The following GLIS3 variants were observed in gnomAD, a reference collection of about 807,000 sequenced individuals.
GLIS3 encodes the protein GLIS family zinc finger 3, also known as zinc finger protein GLIS3.
A neutral mutation model predicts 78.6 loss-of-function variants in GLIS3; 53 were observed. The ratio of observed to expected loss-of-function variants is 0.67; its 90% CI spans 0.54 to 0.85. The LOEUF (loss-of-function observed/expected upper bound fraction) is 0.85. Ranked by LOEUF, GLIS3 falls within the 40% of genes least tolerant of loss-of-function variation. The pLI, the probability that GLIS3 is intolerant of heterozygous loss-of-function variation, is 0.00. For synonymous variants in GLIS3, 684 were observed against 509.9 expected (o/e 1.34, Z -4.60); for missense variants, 1,703 against 1,231.1 (o/e 1.38, Z -5.74).
At chr9:3,890,778 C>G (rs1341743701) in intron 7 of GLIS3, among the ~76,000 whole-genome samples, 3 of 151,924 alleles carry the variant, frequency 2.0e-5, no homozygotes, top group African/African-American at 7.3e-5. Context: ...CAACAACAAA[C>G]CCACCAACAA....
rs527698212 is a variant in GLIS3, at chr9:3,826,839, C to T, written c.*1433G>A. The T allele has an allele frequency of 6.6e-6, 1 of 152,302 alleles. No individual in the cohort carries two copies. Among genetic ancestry groups the T allele is most frequent in the East Asian group, 1.9e-4 (1 of 5,184 alleles). 9.4% of individuals were successfully genotyped at this position (152,302 alleles called of 1,614,324 possible). Reference sequence around the variant, plus strand: ...CATTTTTAAAAAGTGAGAAAAAATACTTGAAATATGATAGTACCAGAATGT... The same window carrying T: ...CATTTTTAAAAAGTGAGAAAAAATATTTGAAATATGATAGTACCAGAATGT... On this transcript the variant is annotated 3_prime_UTR_variant, in exon 11 of 11. Coordinates refer to ENST00000381971, the MANE Select transcript of GLIS3 (RefSeq NM_001042413.2).
chr9:4,438,790 T>C, the GLIS3 span, among the ~76,000 whole-genome samples: 1 of 152,164 alleles, frequency 6.6e-6, no homozygotes, highest in Admixed American at 6.5e-5. Context: ...GTAGGACGTG[T>C]CTTGCTTCCC....
At chr9:3,959,835 A>G (rs916446540) in intron 4 of GLIS3, among the ~76,000 whole-genome samples, 3 of 152,196 alleles carry the variant, frequency 2.0e-5, no homozygotes, top group Non-Finnish European at 4.4e-5. Flanking sequence ...TCCTAATCCA[A>G]TATGTGTGGT....
intron 4 of GLIS3, among the ~76,000 whole-genome samples, chr9:3,980,918 C>T (rs951766193): frequency 8.5e-5 from 13 of 152,134 alleles, no homozygotes; most frequent in Admixed American, 2.0e-4. Flanking sequence ...TTTCAATGAG[C>T]GTTCTGTATT....
At position 4,122,789 on chromosome 9, in the gene GLIS3, A is replaced by G. The variant is rs192085952; in HGVS notation, c.596+2945T>C. 1.6e-4 allele frequency among the ~76,000 whole-genome samples: 25 copies of G among 152,352 alleles called. No homozygotes were observed. In the East Asian group the frequency reaches 3.3e-3, roughly 20 times the overall value. ...TACTCAATGTTTGTTAGACTGCTCT[A>G]TGAAACTGCTGTATGATGTTACTGT... is the stretch of plus-strand genomic sequence containing the variant. On this transcript the variant is annotated intron_variant, in intron 3 of 10. Coordinates refer to ENST00000381971, the MANE Select transcript of GLIS3 (RefSeq NM_001042413.2).
intron 7 of GLIS3, among the ~76,000 whole-genome samples, chr9:3,884,835 C>G (rs1821964959): frequency 2.6e-5 from 4 of 152,040 alleles, no homozygotes; most frequent in Admixed American, 2.6e-4. Flanking sequence ...ACCCAGAACA[C>G]CACCCTATAT....
chr9:4,111,920 C>A (rs187834708), intron 4 of GLIS3, among the ~76,000 whole-genome samples: 4 of 152,284 alleles, frequency 2.6e-5, no homozygotes, highest in African/African-American at 9.6e-5. Context: ...TCACATCAGG[C>A]AGATTTGATA....
At chr9:3,890,186 C>G (rs1822338559) in intron 7 of GLIS3, among the ~76,000 whole-genome samples, 1 of 152,212 alleles carries the variant, frequency 6.6e-6, no homozygotes, top group Admixed American at 6.5e-5. Flanking sequence ...CACAAATTCA[C>G]TGTTCATTAA....
chr9:4,177,124 A>C (rs973642105), intron 2 of GLIS3, among the ~76,000 whole-genome samples: 3 of 145,360 alleles, frequency 2.1e-5, no homozygotes, highest in African/African-American at 7.6e-5. Context: ...TGTCAATTTG[A>C]TGAGCAAAAA....
intron 4 of GLIS3, among the ~76,000 whole-genome samples, chr9:4,047,714 T>G (rs1825368791): frequency 1.3e-5 from 2 of 152,164 alleles, no homozygotes; most frequent in Admixed American, 1.3e-4. Flanking sequence ...GGGAGTCGGC[T>G]CAGTGTGCTA....
chr9:3,849,307 C>T (rs931760265), intron 9 of GLIS3, among the ~76,000 whole-genome samples: 7 of 152,198 alleles, frequency 4.6e-5, no homozygotes, highest in African/African-American at 9.6e-5. Context: ...GCAGCCCCTC[C>T]GGTGTGCCTA....
At position 4,203,578 on chromosome 9, in the gene GLIS3, C is replaced by T. The variant is rs2131272089; in HGVS notation, c.389-77637G>A. Among the ~76,000 whole-genome samples, 6 of 152,270 alleles carry T rather than the reference C, an allele frequency of 3.9e-5. 1 individual carries two copies. In the Middle Eastern group the frequency reaches 0.02, roughly 518 times the overall value. On this transcript the variant is annotated intron_variant, in intron 2 of 10. Coordinates refer to ENST00000381971, the MANE Select transcript of GLIS3 (RefSeq NM_001042413.2). ...AAACAGAATTATTAATACTATTTCA[C>T]CCCACAATCCCATTACTGGATCTGG...
intron 2 of GLIS3, among the ~76,000 whole-genome samples, chr9:4,181,865 C>A (rs1461620075): frequency 6.6e-6 from 1 of 152,158 alleles, no homozygotes. Flanking sequence ...AGCTAAGGGC[C>A]CAGATAGGTG....
At chr9:4,022,166 G>A (rs1038752257) in intron 4 of GLIS3, among the ~76,000 whole-genome samples, 2 of 152,200 alleles carry the variant, frequency 1.3e-5, no homozygotes, top group Non-Finnish European at 2.9e-5. Flanking sequence ...CTGCTAAAAT[G>A]TCAGCCCACT....
At chr9:4,191,512 G>C (rs1818330320) in intron 2 of GLIS3, among the ~76,000 whole-genome samples, 1 of 152,136 alleles carries the variant, frequency 6.6e-6, no homozygotes, top group Admixed American at 6.5e-5. Context: ...TTTACAATGA[G>C]CATATCCTAT....
the GLIS3 span, among the ~76,000 whole-genome samples, chr9:4,433,626 A>C: frequency 6.6e-5 from 10 of 152,186 alleles, no homozygotes; most frequent in African/African-American, 2.4e-4. Flanking sequence ...TGAAGTCAGA[A>C]ATATGTTTAG....
At chr9:3,851,002 G>A (rs11788034) in intron 9 of GLIS3, among the ~76,000 whole-genome samples, 21,960 of 152,172 alleles carry the variant, frequency 0.14, 2,230 homozygotes, top group East Asian at 0.54. Context: ...ATATGTCACA[G>A]TGCGTTGATT....
chr9:4,328,421 G>C (rs910333799), intron 2 of GLIS3, among the ~76,000 whole-genome samples: 1 of 152,212 alleles, frequency 6.6e-6, no homozygotes, highest in Non-Finnish European at 1.5e-5. Context: ...GGAGCACTAA[G>C]TGGAATCCAT....
At chr9:4,141,421 T>C (rs1440079227) in intron 2 of GLIS3, among the ~76,000 whole-genome samples, 3 of 152,174 alleles carry the variant, frequency 2.0e-5, no homozygotes, top group Non-Finnish European at 4.4e-5. Context: ...AGCAGACTCC[T>C]AGAGGCTATG....
Sources: allele counts gnomAD v4.1 joint callset (sites outside exome capture counted in the v4.1 genomes callset), GRCh38; gene constraint gnomAD v4.1.1; transcripts MANE v1.5; gene names NCBI Gene and HGNC (gene_info 2026-07-23, HGNC 2026-07-21).